The following NUDT3 variants were observed in gnomAD, a reference collection of about 807,000 sequenced individuals.
NUDT3 encodes diphosphoinositol polyphosphate phosphohydrolase 1.
In NUDT3, 9 loss-of-function variants were observed where a neutral mutation model predicts 23.6. The ratio of observed to expected loss-of-function variants is 0.38; its 90% CI spans 0.23 to 0.66. The LOEUF is 0.66. Among genes scored for constraint, NUDT3 ranks in the 30% least tolerant of loss-of-function variants. The pLI, the probability that NUDT3 is intolerant of heterozygous loss-of-function variation, is 0.52. For synonymous variants in NUDT3, 86 were observed against 82.6 expected, an observed-to-expected ratio of 1.04 and a Z score of -0.22; for missense variants, 172 against 218.5, an observed-to-expected ratio of 0.79 and a Z score of 1.34.
At chr6:34,307,172 G>T (rs1763695049) in intron 2 of NUDT3, among the ~76,000 whole-genome samples, 1 of 152,192 alleles carries the variant, frequency 6.6e-6, no homozygotes, top group South Asian at 2.1e-4. Flanking sequence ...CACTTGGGAG[G>T]CTGGGTAGCA....
At chr6:34,306,366 C>T (rs867309540) in intron 2 of NUDT3, among the ~76,000 whole-genome samples, 10 of 152,260 alleles carry the variant, frequency 6.6e-5, no homozygotes, top group Middle Eastern at 3.4e-3. Context: ...GCAACAAGGC[C>T]GGATAAGTTA....
intron 2 of NUDT3, among the ~76,000 whole-genome samples, chr6:34,326,940 G>A (rs180741787): frequency 5.3e-5 from 8 of 152,176 alleles, no homozygotes; most frequent in Admixed American, 2.0e-4. Flanking sequence ...GTGTGGAGAC[G>A]AGAGAGAGAT....
intron 1 of NUDT3, among the ~76,000 whole-genome samples, chr6:34,358,086 GC>G (rs1162583788): frequency 6.6e-6 from 1 of 152,092 alleles, no homozygotes; most frequent in African/African-American, 2.4e-5. Context: ...TGATTCATTT[GC>G]CAATTCATGA....
intron 1 of NUDT3, among the ~76,000 whole-genome samples, chr6:34,342,509 C>T (rs1307918464): frequency 1.3e-5 from 2 of 152,098 alleles, no homozygotes; most frequent in Non-Finnish European, 2.9e-5. Flanking sequence ...CTCTAAGGGA[C>T]CCTAATTCTC....
chr6:34,292,647 A>G (rs1002204915), intron 4 of NUDT3, among the ~76,000 whole-genome samples: 26 of 152,010 alleles, frequency 1.7e-4, no homozygotes, highest in Non-Finnish European at 3.1e-4. Flanking sequence ...TTCATATTTT[A>G]TAAGAATAAA....
At chr6:34,336,571 A>G (rs1302019578) in intron 2 of NUDT3, among the ~76,000 whole-genome samples, 1 of 152,150 alleles carries the variant, frequency 6.6e-6, no homozygotes, top group African/African-American at 2.4e-5. Context: ...TTAGTTTGAT[A>G]CAATCCAATC....
At chr6:34,359,778 C>G (rs1764619043) in intron 1 of NUDT3, among the ~76,000 whole-genome samples, 1 of 152,124 alleles carries the variant, frequency 6.6e-6, no homozygotes, top group Admixed American at 6.6e-5. Flanking sequence ...CCTTTAAGTA[C>G]ATACCTAAAA....
intron 2 of NUDT3, among the ~76,000 whole-genome samples, chr6:34,339,789 T>C (rs1328044159): frequency 1.3e-5 from 2 of 152,258 alleles, no homozygotes; most frequent in East Asian, 1.9e-4. Flanking sequence ...ACATATTATC[T>C]ATCCATTCTT....
intron 1 of NUDT3, among the ~76,000 whole-genome samples, chr6:34,389,224 T>G (rs1482239419): frequency 6.6e-6 from 1 of 152,272 alleles, no homozygotes; most frequent in South Asian, 2.1e-4. Context: ...CATGGGGAGT[T>G]TCCCCCATGC....
At chr6:34,304,882 G>A (rs1419115242) in intron 2 of NUDT3, among the ~76,000 whole-genome samples, 1 of 150,220 alleles carries the variant, frequency 6.7e-6, no homozygotes, top group African/African-American at 2.5e-5. Flanking sequence ...ATATTGCCCA[G>A]GTTGGTCTTG....
At chr6:34,353,942 G>GC (rs1448635519) in intron 1 of NUDT3, among the ~76,000 whole-genome samples, 9 of 151,186 alleles carry the variant, frequency 6.0e-5, no homozygotes, top group Non-Finnish European at 1.3e-4. Flanking sequence ...AGACAGAGTT[G>GC]CCCAAGCTGG....
At chr6:34,360,884 T>C (rs1050180233) in intron 1 of NUDT3, among the ~76,000 whole-genome samples, 2 of 151,678 alleles carry the variant, frequency 1.3e-5, no homozygotes, top group African/African-American at 4.8e-5. Context: ...AAAAACCCAA[T>C]TAAAAAATGA....
chr6:34,372,680 T>C (rs1267024000), intron 1 of NUDT3, among the ~76,000 whole-genome samples: 1 of 152,046 alleles, frequency 6.6e-6, no homozygotes, highest in Admixed American at 6.6e-5. Flanking sequence ...GGTACATGCC[T>C]GTAATCCCAG....
chr6:34,294,112 T>C (rs1362519833), intron 3 of NUDT3, among the ~76,000 whole-genome samples: 3 of 152,272 alleles, frequency 2.0e-5, no homozygotes, highest in Non-Finnish European at 4.4e-5. Context: ...CCTCAGCTTC[T>C]TGAGTAGCTG....
Position 34,279,885 on chromosome 6 carries a change from T to C in NUDT3, c.*8868A>G, listed in dbSNP as rs1763262535. 1 of 152,228 alleles carries C rather than the reference T, an allele frequency of 6.6e-6. No individual in the cohort carries two copies. Among genetic ancestry groups the C allele is most frequent in the Non-Finnish European group, 1.5e-5 (1 of 68,074 alleles). 9.4% of individuals were successfully genotyped at this position (152,228 alleles called of 1,614,324 possible). ...TTACGGGTAATAACAACATTCTCTC[T>C]AGATGGCAGGGGGTAAGTCTGCCTG... On this transcript the variant is annotated 3_prime_UTR_variant, in exon 5 of 5. Coordinates refer to ENST00000607016, the MANE Select transcript of NUDT3 (RefSeq NM_006703.4).
Position 34,281,833 on chromosome 6 carries a change from A to G in NUDT3, c.*6920T>C, listed in dbSNP as rs1185586271. 2.0e-5 allele frequency: 3 copies of G among 152,190 alleles called. No homozygotes were observed. Among genetic ancestry groups the G allele is most frequent in the Non-Finnish European group, 4.4e-5 (3 of 68,028 alleles). 9.4% of individuals were successfully genotyped at this position (152,190 alleles called of 1,614,324 possible). On this transcript the variant is annotated 3_prime_UTR_variant, in exon 5 of 5. Transcript: ENST00000607016. ...ATTCTGAGCAAACATGCTCCCAGTC[A>G]CGAGGGATGGGGTGAGCGGGCAGGT...
At chr6:34,345,619 C>A (rs1303746336) in intron 1 of NUDT3, among the ~76,000 whole-genome samples, 1 of 144,906 alleles carries the variant, frequency 6.9e-6, no homozygotes, top group East Asian at 2.2e-4. Context: ...ACCGAGATTG[C>A]GCCACGGCAG....
intron 2 of NUDT3, among the ~76,000 whole-genome samples, chr6:34,329,921 C>CA (rs748340211): frequency 6.6e-6 from 1 of 152,104 alleles, no homozygotes; most frequent in East Asian, 1.9e-4. Context: ...GTCCTTGTGA[C>CA]AGTTTGCTCA....
chr6:34,322,598 T>C (rs1480836047), intron 2 of NUDT3, among the ~76,000 whole-genome samples: 3 of 152,168 alleles, frequency 2.0e-5, no homozygotes, highest in Admixed American at 6.5e-5. Flanking sequence ...TACAGTTCTA[T>C]GATAAAACAG....
Sources: allele counts gnomAD v4.1 joint callset (sites outside exome capture counted in the v4.1 genomes callset), GRCh38; gene constraint gnomAD v4.1.1; transcripts MANE v1.5; gene names NCBI Gene and HGNC (gene_info 2026-07-23, HGNC 2026-07-21).